Variants in MARCHF1 observed in about 807,000 individuals in gnomAD.
MARCHF1 encodes E3 ubiquitin-protein ligase MARCHF1.
In MARCHF1, 40 loss-of-function variants were observed where a neutral mutation model predicts 54.2. That is an observed-to-expected ratio of 0.74 (90% CI 0.57 to 0.96). The LOEUF (loss-of-function observed/expected upper bound fraction) is 0.96. MARCHF1 is among the 40% of genes least tolerant of loss of function. The probability of loss-of-function intolerance (pLI) is 0.00; values close to 1 mark genes in which losing one functional copy is unlikely to be tolerated. For missense variants in MARCHF1, 586 were observed against 656.5 expected (o/e 0.89, Z 1.17); for synonymous variants, 236 against 236.3 (o/e 1.00, Z 0.01).
intron 3 of MARCHF1, among the ~76,000 whole-genome samples, chr4:163,977,862 T>C (rs904711692): frequency 3.3e-5 from 5 of 152,210 alleles, no homozygotes; most frequent in Non-Finnish European, 7.3e-5. Context: ...TATTATTAAT[T>C]ATTTTAGCTT....
At chr4:164,262,853 ATATAT>A (rs1214081866) in intron 1 of MARCHF1, among the ~76,000 whole-genome samples, 2 of 152,230 alleles carry the variant, frequency 1.3e-5, no homozygotes, top group Non-Finnish European at 2.9e-5. Context: ...GAATAAAAGG[ATATAT>A]TATGAGTGAT....
chr4:163,566,030 C>A lies in MARCHF1; in HGVS notation c.1191+19719G>T, dbSNP rs181969782. On this transcript the variant is annotated intron_variant, in intron 8 of 9. Transcript: ENST00000514618. ...TTGAAAACCTACATTATTGAACATG[C>A]TTGTTTCCTTCCCCCAGCAAGCACC... 4.4e-3 allele frequency among the ~76,000 whole-genome samples: 670 copies of A among 152,238 alleles called. 4 individuals carry two copies. Among genetic ancestry groups the A allele is most frequent in the Non-Finnish European group, 7.5e-3 (510 of 68,014 alleles).
chr4:164,336,698 G>A (rs901818338), intron 1 of MARCHF1, among the ~76,000 whole-genome samples: 29 of 152,072 alleles, frequency 1.9e-4, no homozygotes, highest in African/African-American at 5.3e-4. Flanking sequence ...GGTGTGGCAG[G>A]CAACAATTCA....
chr4:164,295,464 ACAC>A (rs940028896), intron 1 of MARCHF1, among the ~76,000 whole-genome samples: 9 of 151,498 alleles, frequency 5.9e-5, no homozygotes, highest in African/African-American at 1.7e-4. Context: ...ACACACACAC[ACAC>A]AACATACACT....
At chr4:164,331,211 G>A (rs1319268874) in intron 1 of MARCHF1, among the ~76,000 whole-genome samples, 4 of 151,774 alleles carry the variant, frequency 2.6e-5, no homozygotes, top group Admixed American at 6.6e-5. Flanking sequence ...ATTAAAGGCC[G>A]AGACAGAGGA....
chr4:164,064,653 T>C (rs915201157), intron 2 of MARCHF1, among the ~76,000 whole-genome samples: 9 of 152,188 alleles, frequency 5.9e-5, no homozygotes, highest in Admixed American at 3.3e-4. Context: ...TTCTGTTGCC[T>C]GATCGCCCTG....
At chr4:164,278,512 A>T (rs1373697916) in intron 1 of MARCHF1, among the ~76,000 whole-genome samples, 1 of 152,246 alleles carries the variant, frequency 6.6e-6, no homozygotes, top group East Asian at 1.9e-4. Context: ...GTAATTTCTA[A>T]GTTAAATGGT....
intron 3 of MARCHF1, among the ~76,000 whole-genome samples, chr4:163,975,196 TCACA>T (rs1176500866): frequency 2.5e-5 from 3 of 119,134 alleles, no homozygotes; most frequent in African/African-American, 1.0e-4. Flanking sequence ...TCTCTCTCTC[TCACA>T]CACACACACA....
At chr4:163,717,510 G>C (rs889558166) in intron 4 of MARCHF1, among the ~76,000 whole-genome samples, 6 of 151,948 alleles carry the variant, frequency 3.9e-5, no homozygotes, top group Non-Finnish European at 7.4e-5. Flanking sequence ...GGGTATATAC[G>C]CAGTAATGGG....
intron 1 of MARCHF1, among the ~76,000 whole-genome samples, chr4:164,148,682 C>G (rs1405617383): frequency 3.9e-5 from 6 of 152,110 alleles, no homozygotes. Context: ...TATTGTTAAG[C>G]ATGTGCCAAG....
intron 1 of MARCHF1, among the ~76,000 whole-genome samples, chr4:164,118,890 C>T (rs1018917356): frequency 6.7e-6 from 1 of 149,144 alleles, no homozygotes; most frequent in African/African-American, 2.5e-5. Flanking sequence ...AATAATATAA[C>T]ACCACAACTA....
intron 5 of MARCHF1, among the ~76,000 whole-genome samples, chr4:163,682,951 T>C (rs1057325111): frequency 1.1e-4 from 16 of 152,184 alleles, no homozygotes; most frequent in African/African-American, 3.9e-4. Context: ...TATAGTTTAG[T>C]ACAGCAAAAT....
intron 5 of MARCHF1, among the ~76,000 whole-genome samples, chr4:163,687,230 T>C (rs2111184524): frequency 6.6e-6 from 1 of 151,612 alleles, no homozygotes; most frequent in South Asian, 2.1e-4. Flanking sequence ...AGAAGTCAGA[T>C]CTTTTTTTTT....
intron 5 of MARCHF1, among the ~76,000 whole-genome samples, chr4:163,620,957 A>C: frequency 6.6e-6 from 1 of 152,210 alleles, no homozygotes; most frequent in African/African-American, 2.4e-5. Flanking sequence ...ACTAACATCA[A>C]GAATCAAGAT....
intron 5 of MARCHF1, among the ~76,000 whole-genome samples, chr4:163,616,875 A>G (rs1741531664): frequency 6.6e-6 from 1 of 152,150 alleles, no homozygotes; most frequent in Non-Finnish European, 1.5e-5. Flanking sequence ...TAAAAATATT[A>G]CTACCATATG....
intron 1 of MARCHF1, among the ~76,000 whole-genome samples, chr4:164,259,566 G>GAAAAAAAAAAAAAAAAAAAAAAAA (rs1560977880): frequency 9.7e-6 from 1 of 103,062 alleles, no homozygotes; most frequent in African/African-American, 3.7e-5. Context: ...AAAAAAAAAA[G>GAAAAAAAAAAAAAAAAAAAAAAAA]AAAAAAGAAA....
intron 1 of MARCHF1, among the ~76,000 whole-genome samples, chr4:164,131,934 C>T (rs979546906): frequency 3.3e-5 from 5 of 152,058 alleles, no homozygotes; most frequent in African/African-American, 1.2e-4. Flanking sequence ...TAGTCCTCTC[C>T]AGAAATTACT....
chr4:164,202,750 G>A (rs1325901558), intron 1 of MARCHF1, among the ~76,000 whole-genome samples: 6 of 152,120 alleles, frequency 3.9e-5, no homozygotes, highest in South Asian at 4.1e-4. Context: ...CATAGTTCTC[G>A]AATATTTCCT....
intron 2 of MARCHF1, among the ~76,000 whole-genome samples, chr4:164,025,166 T>C (rs1043210775): frequency 5.3e-5 from 8 of 151,646 alleles, no homozygotes; most frequent in African/African-American, 1.5e-4. Context: ...ACTCCACTGA[T>C]AGCATTACAC....
Sources: allele counts gnomAD v4.1 joint callset (sites outside exome capture counted in the v4.1 genomes callset), GRCh38; gene constraint gnomAD v4.1.1; transcripts MANE v1.5; gene names NCBI Gene and HGNC (gene_info 2026-07-23, HGNC 2026-07-21).